STK32B: variants seen among roughly 807,000 people sequenced by gnomAD.
STK32B encodes serine/threonine-protein kinase 32B.
STK32B carries 43 observed loss-of-function variants against 52.6 expected under a neutral mutation model. The observed-to-expected ratio is 0.82, with a 90% confidence interval of 0.64 to 1.05. The LOEUF is 1.05. Ranked by LOEUF, STK32B falls within the 50% of genes least tolerant of loss-of-function variation. STK32B has a pLI of 0.00. For missense variants in STK32B, 621 were observed against 534.6 expected (o/e 1.16, Z -1.59); for synonymous variants, 238 against 204.3 (o/e 1.17, Z -1.41).
intron 3 of STK32B, among the ~76,000 whole-genome samples, chr4:5,205,716 G>GCGCA (rs1265887569): frequency 6.9e-6 from 1 of 145,640 alleles, no homozygotes; most frequent in East Asian, 1.9e-4. Context: ...GTGTGTGTGT[G>GCGCA]TGTGTGTGTG....
At chr4:5,146,448 C>T (rs955071799) in intron 2 of STK32B, among the ~76,000 whole-genome samples, 26 of 152,176 alleles carry the variant, frequency 1.7e-4, no homozygotes, top group African/African-American at 6.3e-4. Context: ...AAGATGAAGG[C>T]TGGAAGAATC....
At chr4:5,403,488 C>G (rs911334567) in intron 5 of STK32B, among the ~76,000 whole-genome samples, 1 of 152,208 alleles carries the variant, frequency 6.6e-6, no homozygotes, top group Non-Finnish European at 1.5e-5. Flanking sequence ...CATGACATAG[C>G]CTGCGCCCTA....
intron 6 of STK32B, among the ~76,000 whole-genome samples, chr4:5,423,729 TTG>T: frequency 6.6e-6 from 1 of 152,158 alleles, no homozygotes; most frequent in East Asian, 1.9e-4. Flanking sequence ...GGCTGTTGCA[TTG>T]TCAGTGCTCA....
intron 11 of STK32B, among the ~76,000 whole-genome samples, chr4:5,474,548 G>T (rs1267553456): frequency 6.6e-6 from 1 of 152,224 alleles, no homozygotes; most frequent in Admixed American, 6.5e-5. Flanking sequence ...AAAACCCTTT[G>T]CACTTAGTCC....
intron 3 of STK32B, among the ~76,000 whole-genome samples, chr4:5,203,808 A>G (rs1427302199): frequency 2.6e-5 from 4 of 151,982 alleles, no homozygotes; most frequent in African/African-American, 7.3e-5. Context: ...CACCTCCAAG[A>G]GCGATCACTT....
intron 3 of STK32B, among the ~76,000 whole-genome samples, chr4:5,180,117 G>T (rs767766347): frequency 1.3e-5 from 2 of 152,198 alleles, no homozygotes; most frequent in Non-Finnish European, 2.9e-5. Context: ...CAGGACTGGT[G>T]CCTGCTGCCC....
intron 5 of STK32B, among the ~76,000 whole-genome samples, chr4:5,408,654 C>T (rs1050353975): frequency 6.6e-6 from 1 of 152,104 alleles, no homozygotes; most frequent in Non-Finnish European, 1.5e-5. Flanking sequence ...ACACTAGGTC[C>T]GATTCCAGCT....
intron 7 of STK32B, among the ~76,000 whole-genome samples, chr4:5,448,700 A>C (rs1302941644): frequency 6.6e-6 from 1 of 152,162 alleles, no homozygotes; most frequent in Non-Finnish European, 1.5e-5. Flanking sequence ...GCTTCTTGGA[A>C]GAGGAAGAAG....
At chr4:5,333,815 G>C (rs1010559235) in intron 4 of STK32B, among the ~76,000 whole-genome samples, 1 of 152,286 alleles carries the variant, frequency 6.6e-6, no homozygotes, top group Non-Finnish European at 1.5e-5. Context: ...TGAGGGCTCT[G>C]TTGTGTTCCA....
At chr4:5,168,914 C>CA (rs983128887) in intron 3 of STK32B, among the ~76,000 whole-genome samples, 4 of 152,208 alleles carry the variant, frequency 2.6e-5, no homozygotes, top group African/African-American at 9.6e-5. Flanking sequence ...TGCCATCACC[C>CA]ATGTTTCAGA....
intron 3 of STK32B, among the ~76,000 whole-genome samples, chr4:5,272,941 C>T (rs1448055160): frequency 6.8e-6 from 1 of 147,908 alleles, no homozygotes; most frequent in East Asian, 2.0e-4. Context: ...GCAAGGACTT[C>T]ATGTCCAACA....
At chr4:5,196,511 A>G (rs970125881) in intron 3 of STK32B, among the ~76,000 whole-genome samples, 2 of 151,828 alleles carry the variant, frequency 1.3e-5, no homozygotes, top group Non-Finnish European at 2.9e-5. Flanking sequence ...TCACGAGGTC[A>G]GGAGTTTGAG....
Position 5,331,369 on chromosome 4 carries a change from T to G in STK32B, c.410T>G (p.Leu137Arg). The stretch of plus-strand genomic sequence containing the variant: ...GAGCTGGCACTGGCCCTGGAGTATC[T>G]TCAGAGGTACCACATCATCCACAGG... ...ICELALALEYLQRYHIIHRDI... is the reference protein window; with the variant it reads ...ICELALALEYRQRYHIIHRDI... Residue 137 changes from leucine (L) to arginine (R), a missense_variant, in exon 4 of 12, where the codon CTT (leucine) becomes CGT (arginine). Physicochemically the swap from Leu to Arg is moderately radical, Grantham distance 102. Transcript: ENST00000282908. The G allele has an allele frequency of 6.2e-7, 1 of 1,612,990 alleles. No individual in the cohort carries two copies. The highest frequency in any genetic ancestry group is 8.5e-7 in the Non-Finnish European group (1 of 1,179,476).
At chr4:5,278,341 T>A (rs6812879) in intron 3 of STK32B, among the ~76,000 whole-genome samples, 13,704 of 152,228 alleles carry the variant, frequency 0.09, 649 homozygotes, top group Middle Eastern at 0.1. Flanking sequence ...AGGGGGCAGA[T>A]CAAGGAGCTG....
chr4:5,188,565 C>T (rs1720927519), intron 3 of STK32B, among the ~76,000 whole-genome samples: 1 of 152,204 alleles, frequency 6.6e-6, no homozygotes, highest in Non-Finnish European at 1.5e-5. Flanking sequence ...TCTCTGTCTA[C>T]TGTCAGCTTA....
At chr4:5,421,292 G>A (rs572686834) in intron 6 of STK32B, among the ~76,000 whole-genome samples, 1 of 151,562 alleles carries the variant, frequency 6.6e-6, no homozygotes, top group African/African-American at 2.4e-5. Context: ...GGGTTTCACT[G>A]TGTTAGCCAG....
intron 1 of STK32B, among the ~76,000 whole-genome samples, chr4:5,093,362 G>A (rs944690815): frequency 2.0e-5 from 3 of 152,178 alleles, no homozygotes; most frequent in African/African-American, 7.2e-5. Context: ...ATGAAACTTA[G>A]TATATATTGT....
At chr4:5,317,504 A>G (rs1731167667) in intron 3 of STK32B, among the ~76,000 whole-genome samples, 1 of 98,642 alleles carries the variant, frequency 1.0e-5, no homozygotes, top group Non-Finnish European at 1.7e-5. Flanking sequence ...TATATATTAT[A>G]TATGTATAAT....
At chr4:5,421,883 G>A (rs1217991687) in intron 6 of STK32B, among the ~76,000 whole-genome samples, 1 of 152,170 alleles carries the variant, frequency 6.6e-6, no homozygotes, top group East Asian at 1.9e-4. Flanking sequence ...TAATTAACCT[G>A]CCCAGGGCCA....
Sources: gnomAD v4.1 joint callset for allele counts (sites outside exome capture counted in the v4.1 genomes callset) on GRCh38, gnomAD v4.1.1 for gene constraint, MANE v1.5 for transcripts, NCBI Gene and HGNC (gene_info 2026-07-23, HGNC 2026-07-21) for gene names.